Variants in IPO5 observed in about 807,000 individuals in gnomAD.
IPO5 encodes the protein importin-5.
In IPO5, 18 loss-of-function variants were observed where a neutral mutation model predicts 143.3. The observed-to-expected ratio is 0.13, with a 90% CI of 0.09 to 0.19. The LOEUF (loss-of-function observed/expected upper bound fraction) is 0.19, where lower values mean the gene tolerates loss of function less well. Among genes scored for constraint, IPO5 ranks in the 10% least tolerant of loss-of-function variants. The pLI, the probability that IPO5 is intolerant of heterozygous loss-of-function variation, is 1.00. For synonymous variants in IPO5, 477 were observed against 465.7 expected, an observed-to-expected ratio of 1.02 and a Z score of -0.31; for missense variants, 1,013 against 1,336.9, an observed-to-expected ratio of 0.76 and a Z score of 3.78.
chr13:97,990,249 A>ATTAATAGG, intron 8 of IPO5, 27 bp downstream of exon 8: 2 of 1,459,772 alleles, frequency 1.4e-6, no homozygotes, highest in Non-Finnish European at 1.9e-6. Flanking sequence ...CTATTAATAT[A>ATTAATAGG]ACCATCTATT....
chr13:97,958,850 C>A (rs1358070985), intron 2 of IPO5, among the ~76,000 whole-genome samples: 3 of 151,220 alleles, frequency 2.0e-5, no homozygotes, highest in African/African-American at 7.3e-5. Context: ...TAACCCTCCA[C>A]TAGATTCCCC....
At chr13:98,006,596 A>C (rs1016941843) in intron 17 of IPO5, among the ~76,000 whole-genome samples, 1 of 151,380 alleles carries the variant, frequency 6.6e-6, no homozygotes, top group African/African-American at 2.4e-5. Context: ...GGATGGTCTC[A>C]ATCTCCTGAC....
chr13:97,985,556 T>G lies in IPO5; in HGVS notation c.307T>G (p.Ser103Ala). The change falls in exon 6 of 29, where the codon TCT (serine) becomes GCT (alanine). Residue 103 changes from serine to alanine, a missense_variant. By Grantham distance (99) the Ser-to-Ala change is moderately conservative. Around this residue, in one of 2 missense-constraint regions of IPO5, gnomAD observed 328 missense variants for 342.0 expected, o/e 0.96. Coordinates refer to ENST00000651721, the MANE Select transcript of IPO5 (RefSeq NM_002271.6). ...LLMIIQMETQSSMRKKVCDIA... is the reference protein window; with the variant it reads ...LLMIIQMETQASMRKKVCDIA... ...CATGATTATTCAGATGGAAACACAA[T>G]CTAGCATGAGGAAAAAAGTTTGTGA... 1 of 1,613,950 alleles carries G rather than the reference T, an allele frequency of 6.2e-7. No homozygotes were observed. The highest frequency in any genetic ancestry group is 8.5e-7 in the Non-Finnish European group (1 of 1,179,966).
At chr13:97,958,116 G>C (rs1884585191) in intron 2 of IPO5, among the ~76,000 whole-genome samples, 1 of 152,120 alleles carries the variant, frequency 6.6e-6, no homozygotes. Flanking sequence ...AACCTCCAGG[G>C]CCTGGCCTCA....
chr13:98,011,272 GT>G lies in IPO5; in HGVS notation c.2056-966del, dbSNP rs530076347. ...AGAATGAAACAATTGGGTTTTTGGG[GT>G]TTTTTTTGTTTGTTTGTTTGTTTGT... On this transcript the variant is annotated intron_variant, in intron 20 of 28. Transcript: ENST00000651721. 3.3e-5 allele frequency among the ~76,000 whole-genome samples: 5 copies of G among 151,434 alleles called. No individual in the cohort carries two copies. The East Asian group carries it at 5.8e-4, about 18-fold the overall frequency.
intron 2 of IPO5, 25 bp from the exon 3 acceptor site, chr13:97,969,698 C>A: frequency 1.0e-6 from 1 of 965,088 alleles, no homozygotes; most frequent in Non-Finnish European, 1.7e-6. Context: ...TCTAATGGTC[C>A]ACCATTCTGT....
chr13:97,990,618 A>G lies in IPO5; in HGVS notation c.669+81A>G, dbSNP rs996287372. ...ATTCAATCATTTATGCAATAAATTC[A>G]TATTGCCTATTATGTTCTGGCGCTA... On this transcript the variant is annotated intron_variant, in intron 9 of 28. Transcript: ENST00000651721. 3 of 757,544 alleles carry G rather than the reference A, an allele frequency of 4.0e-6. No homozygotes were observed. The Admixed American group carries it at 8.2e-5, about 21-fold the overall frequency. The allele number at this position is 757,544 out of a possible 1,614,324, so 46.9% of individuals were successfully genotyped here. A position where few individuals can be genotyped will look rare whatever the true frequency, so the allele number is the denominator to read the frequency against.
chr13:97,987,704 T>A (rs1049350044), intron 6 of IPO5, among the ~76,000 whole-genome samples: 1 of 152,188 alleles, frequency 6.6e-6, no homozygotes, highest in Non-Finnish European at 1.5e-5. Context: ...GGTTTCACCC[T>A]GTTTGCCAGC....
intron 27 of IPO5, among the ~76,000 whole-genome samples, chr13:98,020,213 G>A (rs1369841237): frequency 3.9e-5 from 6 of 152,236 alleles, no homozygotes; most frequent in African/African-American, 1.4e-4. Context: ...CCAGCCTAAG[G>A]GAATGTTGTT....
intron 4 of IPO5, chr13:97,981,498 A>G: frequency 3.9e-6 from 1 of 256,132 alleles, no homozygotes; most frequent in Non-Finnish European, 7.6e-6. Flanking sequence ...ATGTGGATTC[A>G]AAATAGCCTT....
chr13:97,956,776 G>A (rs919973657), intron 2 of IPO5, among the ~76,000 whole-genome samples: 2 of 152,160 alleles, frequency 1.3e-5, no homozygotes, highest in Admixed American at 6.5e-5. Context: ...TTGTAAAATA[G>A]GAGTCTCTGC....
In IPO5 at chr13:97,992,906, G is replaced by A. The variant is rs200613403; in HGVS notation, c.684G>A (p.Ser228=). 150 of 1,612,050 alleles carry A rather than the reference G, an allele frequency of 9.3e-5. No homozygotes were observed. Among genetic ancestry groups the A allele is most frequent in the East Asian group, 4.5e-4 (20 of 44,796 alleles). The change falls in exon 10 of 29, where the codon TCG becomes TCA. Residue 228 remains serine, a synonymous_variant. Coordinates refer to ENST00000651721, the MANE Select transcript of IPO5 (RefSeq NM_002271.6). ...LPGFLQAVND[S]CYQNDDSVLK... Reference sequence around the variant, plus strand: ...ATCTTTTCTAGGCGGTAAATGACTCGTGCTACCAGAATGATGATTCTGTCC... The same window carrying A: ...ATCTTTTCTAGGCGGTAAATGACTCATGCTACCAGAATGATGATTCTGTCC...
intron 6 of IPO5, among the ~76,000 whole-genome samples, chr13:97,988,314 C>T (rs1410933608): frequency 6.6e-6 from 1 of 152,120 alleles, no homozygotes; most frequent in Non-Finnish European, 1.5e-5. Flanking sequence ...AGATTCTAAC[C>T]CTGATGTCTT....
intron 5 of IPO5, among the ~76,000 whole-genome samples, chr13:97,983,544 C>A (rs1395996809): frequency 7.6e-6 from 1 of 131,782 alleles, no homozygotes. Context: ...TCCACCCCCC[C>A]CCCCCACCGT....
At chr13:98,003,085 G>A in intron 16 of IPO5, 48 bp downstream of exon 16, 1 of 1,459,142 alleles carries the variant, frequency 6.9e-7, no homozygotes, top group Non-Finnish European at 9.4e-7. Context: ...GATTAATTTG[G>A]GTTGATTTGA....
chr13:97,997,789 T>TTA (rs1888424530), intron 12 of IPO5, among the ~76,000 whole-genome samples, 171 bp downstream of exon 12: 1 of 152,224 alleles, frequency 6.6e-6, no homozygotes, highest in South Asian at 2.1e-4. Flanking sequence ...AGTATTTTCT[T>TTA]TAGTTTTCAT....
intron 6 of IPO5, among the ~76,000 whole-genome samples, 166 bp downstream of exon 6, chr13:97,985,779 G>A (rs1332261113): frequency 6.6e-6 from 1 of 151,828 alleles, no homozygotes; most frequent in Non-Finnish European, 1.5e-5. Flanking sequence ...AGAAATTACA[G>A]ATAGATGTTT....
intron 2 of IPO5, among the ~76,000 whole-genome samples, chr13:97,962,254 T>G (rs2139497375): frequency 6.6e-6 from 1 of 152,352 alleles, no homozygotes; most frequent in African/African-American, 2.4e-5. Context: ...ATTTTTCTCT[T>G]CTGCCTTTTG....
At position 98,023,893 on chromosome 13, in the gene IPO5, AAC is replaced by A. The variant is rs779463923; in HGVS notation, c.*2073_*2074del. On this transcript the variant is annotated 3_prime_UTR_variant, in exon 29 of 29. Coordinates refer to ENST00000651721, the MANE Select transcript of IPO5 (RefSeq NM_002271.6). The stretch of plus-strand genomic sequence containing the variant: ...CTAACTGTGAGATGTACCATGAACT[AAC>A]AATTCTTTGAAAGGACCTGCAGAAG... The A allele has an allele frequency of 2.0e-5, 3 of 152,358 alleles. No individual in the cohort carries two copies. The highest frequency in any genetic ancestry group is 3.9e-4 in the East Asian group (2 of 5,186). 9.4% of individuals were successfully genotyped at this position (152,358 alleles called of 1,614,324 possible).
Sources: gnomAD v4.1 joint callset for allele counts (sites outside exome capture counted in the v4.1 genomes callset) on GRCh38, gnomAD v4.1.1 for gene constraint, gnomAD v4.1.1 regional missense constraint, MANE v1.5 for transcripts, NCBI Gene and HGNC (gene_info 2026-07-23, HGNC 2026-07-21) for gene names.